Variants in GNG12 observed in about 807,000 individuals in gnomAD.
The protein encoded by GNG12 is G protein subunit gamma 12.
For synonymous variants in GNG12, 28 were observed against 29.7 expected, an observed-to-expected ratio of 0.94 and a Z score of 0.19; for missense variants, 69 against 83.8, an observed-to-expected ratio of 0.82 and a Z score of 0.69.
chr1:67,709,046 C>T (rs1646266114), intron 2 of GNG12, among the ~76,000 whole-genome samples: 1 of 152,244 alleles, frequency 6.6e-6, no homozygotes, highest in African/African-American at 2.4e-5. Flanking sequence ...AGTTCTACGA[C>T]TTGGGTAGGG....
intron 1 of GNG12, among the ~76,000 whole-genome samples, chr1:67,831,950 G>A (rs1647048219): frequency 6.6e-6 from 1 of 152,058 alleles, no homozygotes. Context: ...CGCTGGCAAG[G>A]GTGCAGTCTG....
chr1:67,721,509 C>G (rs989520630), intron 2 of GNG12, among the ~76,000 whole-genome samples: 1 of 152,128 alleles, frequency 6.6e-6, no homozygotes, highest in Non-Finnish European at 1.5e-5. Context: ...GCTTAAGGAC[C>G]ACCCCACTAG....
intron 1 of GNG12, among the ~76,000 whole-genome samples, chr1:67,827,840 C>T (rs921129233): frequency 6.6e-5 from 10 of 152,176 alleles, no homozygotes; most frequent in Non-Finnish European, 2.9e-5. Context: ...AGCACTTTTA[C>T]GACACCCAAT....
At chr1:67,745,329 TG>T (rs1169169836) in intron 2 of GNG12, among the ~76,000 whole-genome samples, 5 of 152,216 alleles carry the variant, frequency 3.3e-5, no homozygotes, top group African/African-American at 1.2e-4. Flanking sequence ...AGAATACATT[TG>T]GAAGAGTCCT....
At chr1:67,767,233 A>G (rs970919993) in intron 2 of GNG12, among the ~76,000 whole-genome samples, 4 of 152,152 alleles carry the variant, frequency 2.6e-5, no homozygotes, top group African/African-American at 9.7e-5. Flanking sequence ...GTAAAACCCC[A>G]TGTCACGTGT....
At chr1:67,707,285 T>C (rs1646254939) in intron 3 of GNG12, among the ~76,000 whole-genome samples, 1 of 152,206 alleles carries the variant, frequency 6.6e-6, no homozygotes, top group Non-Finnish European at 1.5e-5. Context: ...TGAAGTCTAC[T>C]TGGAACCCCT....
chr1:67,790,640 C>T (rs924464082), intron 1 of GNG12, among the ~76,000 whole-genome samples: 13 of 147,578 alleles, frequency 8.8e-5, no homozygotes, highest in African/African-American at 3.0e-4. Flanking sequence ...GATGGAATCT[C>T]GCTCTGTTGC....
At chr1:67,748,696 T>A (rs569185911) in intron 2 of GNG12, among the ~76,000 whole-genome samples, 58 of 152,298 alleles carry the variant, frequency 3.8e-4, no homozygotes, top group Middle Eastern at 6.8e-3. Flanking sequence ...TGGTTTTGTG[T>A]TTTGGAAAGC....
At chr1:67,747,400 G>T (rs758298505) in intron 2 of GNG12, among the ~76,000 whole-genome samples, 9 of 152,316 alleles carry the variant, frequency 5.9e-5, no homozygotes, top group East Asian at 5.8e-4. Flanking sequence ...GATTACAGGC[G>T]TGAGCCACCG....
At chr1:67,759,426 C>T (rs1400652986) in intron 2 of GNG12, among the ~76,000 whole-genome samples, 8 of 152,310 alleles carry the variant, frequency 5.3e-5, no homozygotes, top group African/African-American at 1.9e-4. Flanking sequence ...ATTAAGAAAA[C>T]GAATTCTGGA....
intron 2 of GNG12, among the ~76,000 whole-genome samples, chr1:67,747,878 C>A (rs1368035643): frequency 6.6e-6 from 1 of 152,176 alleles, no homozygotes; most frequent in Non-Finnish European, 1.5e-5. Context: ...TCTAATTGTC[C>A]AGGAACGTAT....
At chr1:67,795,786 A>G (rs1570555752) in intron 1 of GNG12, among the ~76,000 whole-genome samples, 2 of 152,356 alleles carry the variant, frequency 1.3e-5, no homozygotes, top group Admixed American at 1.3e-4. Flanking sequence ...CCATTACAAG[A>G]AAAAGGATGT....
intron 2 of GNG12, among the ~76,000 whole-genome samples, chr1:67,753,176 T>C (rs1646548503): frequency 6.6e-6 from 1 of 152,234 alleles, no homozygotes. Flanking sequence ...GAAAGAATTT[T>C]TTTTTAAGTT....
chr1:67,789,216 C>G (rs1014013229), intron 1 of GNG12, among the ~76,000 whole-genome samples: 6 of 152,128 alleles, frequency 3.9e-5, no homozygotes, highest in Non-Finnish European at 8.8e-5. Context: ...AGGCATCCCC[C>G]CAGGAAGCTC....
chr1:67,707,533 A>T, intron 3 of GNG12, 61 bp downstream of exon 3: 1 of 894,836 alleles, frequency 1.1e-6, no homozygotes, highest in Non-Finnish European at 1.8e-6. Flanking sequence ...CAAGTGGTCC[A>T]GCCACAAGGA....
chr1:67,802,355 G>A (rs999747472), intron 1 of GNG12, among the ~76,000 whole-genome samples: 13 of 152,104 alleles, frequency 8.5e-5, no homozygotes, highest in East Asian at 3.9e-4. Flanking sequence ...CAAAAAGGAC[G>A]CACCTACTTA....
intron 1 of GNG12, among the ~76,000 whole-genome samples, chr1:67,817,693 G>A (rs1380085700): frequency 6.6e-6 from 1 of 152,080 alleles, no homozygotes; most frequent in Non-Finnish European, 1.5e-5. Flanking sequence ...CCTTAGGGAA[G>A]AAAGGGAAGG....
intron 2 of GNG12, among the ~76,000 whole-genome samples, chr1:67,711,247 A>T (rs1343655861): frequency 6.6e-6 from 1 of 152,176 alleles, no homozygotes; most frequent in Non-Finnish European, 1.5e-5. Flanking sequence ...GGGAATGAAA[A>T]ATGACTTCCC....
chr1:67,756,168 G>A (rs570511884), intron 2 of GNG12, among the ~76,000 whole-genome samples: 23 of 152,268 alleles, frequency 1.5e-4, no homozygotes, highest in Admixed American at 1.3e-4. Context: ...AAGGTAGAGG[G>A]TGCAATAGAG....
Sources: gnomAD v4.1 joint callset for allele counts (sites outside exome capture counted in the v4.1 genomes callset) on GRCh38, gnomAD v4.1.1 for gene constraint, MANE v1.5 for transcripts, NCBI Gene and HGNC (gene_info 2026-07-23, HGNC 2026-07-21) for gene names.